Variants in PCDHA6 observed in about 807,000 individuals in gnomAD.
The protein encoded by PCDHA6 is protocadherin alpha-6.
PCDHA6 carries 55 observed loss-of-function variants against 60.3 expected under a neutral mutation model. The observed-to-expected ratio is 0.91, with a 90% CI of 0.73 to 1.14. PCDHA6 has a LOEUF of 1.14. Among genes scored for constraint, PCDHA6 ranks in the 50% most tolerant of loss-of-function variants. The pLI is 0.00. For missense variants in PCDHA6, 1,327 were observed against 1,256.5 expected, an observed-to-expected ratio of 1.06 and a Z score of -0.85; for synonymous variants, 652 against 557.9, an observed-to-expected ratio of 1.17 and a Z score of -2.38.
chr5:141,000,647 C>G (rs1442819157), intron 3 of PCDHA6, among the ~76,000 whole-genome samples: 1 of 151,182 alleles, frequency 6.6e-6, no homozygotes, highest in Non-Finnish European at 1.5e-5. Context: ...AGGCTGGTCT[C>G]GAACTCCTGA....
intron 3 of PCDHA6, among the ~76,000 whole-genome samples, chr5:141,004,019 A>G (rs2098147783): frequency 6.6e-6 from 1 of 152,244 alleles, no homozygotes; most frequent in South Asian, 2.1e-4. Flanking sequence ...CACTGAAAGA[A>G]GAAACATTTC....
intron 1 of PCDHA6, chr5:140,858,758 A>G (rs1474709962): frequency 4.4e-6 from 2 of 458,304 alleles, no homozygotes; most frequent in Non-Finnish European, 7.8e-6. Flanking sequence ...TTCGTTACAA[A>G]TATTTGTGAG....
intron 1 of PCDHA6, among the ~76,000 whole-genome samples, chr5:140,874,018 G>T (rs1033387450): frequency 1.3e-5 from 2 of 152,114 alleles, no homozygotes; most frequent in Admixed American, 1.3e-4. Context: ...TTTTGAAAAT[G>T]AAAAATAGGA....
intron 1 of PCDHA6, chr5:140,969,102 T>C: frequency 1.2e-6 from 2 of 1,614,114 alleles, no homozygotes; most frequent in African/African-American, 1.3e-5. Flanking sequence ...CCTCACTTCA[T>C]TGAAGTTCGA....
intron 1 of PCDHA6, chr5:140,869,166 C>A: frequency 6.2e-7 from 1 of 1,613,866 alleles, no homozygotes; most frequent in South Asian, 1.1e-5. Context: ...TTCTCCTCCT[C>A]GAATTCTGGG....
chr5:140,857,763 C>T (rs782102895), intron 1 of PCDHA6: 4 of 1,597,078 alleles, frequency 2.5e-6, no homozygotes, highest in East Asian at 2.2e-5. Context: ...GCTGGCAGCG[C>T]GGGCGGTGCA....
intron 3 of PCDHA6, among the ~76,000 whole-genome samples, chr5:141,007,393 TAC>T (rs2098323171): frequency 8.5e-5 from 2 of 23,408 alleles, no homozygotes; most frequent in East Asian, 1.4e-3. Flanking sequence ...TCTACTAAAA[TAC>T]AAAAAAAAAA....
chr5:140,924,921 T>A (rs1167960449), intron 1 of PCDHA6, among the ~76,000 whole-genome samples: 5 of 126,218 alleles, frequency 4.0e-5, no homozygotes, highest in African/African-American at 1.5e-4. Context: ...TAAAATAAAA[T>A]AAAATAAAAT....
At chr5:140,985,945 T>C (rs1432402407) in intron 3 of PCDHA6, among the ~76,000 whole-genome samples, 1 of 152,080 alleles carries the variant, frequency 6.6e-6, no homozygotes, top group Non-Finnish European at 1.5e-5. Flanking sequence ...TTCACTGTGT[T>C]AGCCAGGATG....
rs560256618 is a variant in PCDHA6 at position 140,999,889 on chromosome 5, C to T, written c.2543-9738C>T. Among the ~76,000 whole-genome samples the T allele has an allele frequency of 2.0e-5, 3 of 152,292 alleles. No homozygotes were observed. In the East Asian group the frequency reaches 5.8e-4, roughly 29 times the overall value. ...TTACTGAAAATTAGCCCAGCTGTAG[C>T]TTGGGACACCAAACAGCCAAAAAAT... On this transcript the variant is annotated intron_variant, in intron 3 of 3. Coordinates refer to ENST00000529310, the MANE Select transcript of PCDHA6 (RefSeq NM_018909.4).
intron 1 of PCDHA6, chr5:140,863,475 C>T: frequency 2.1e-6 from 1 of 481,584 alleles, no homozygotes; most frequent in South Asian, 1.6e-5. Flanking sequence ...TGGAGAGTCG[C>T]CTCCCAAGGT....
intron 1 of PCDHA6, among the ~76,000 whole-genome samples, chr5:140,903,774 C>A (rs1466112745): frequency 6.6e-6 from 1 of 152,122 alleles, no homozygotes; most frequent in African/African-American, 2.4e-5. Context: ...ACTTTTCTAT[C>A]CATAAACTAT....
chr5:141,004,142 G>A (rs1323224367), intron 3 of PCDHA6, among the ~76,000 whole-genome samples: 2 of 152,214 alleles, frequency 1.3e-5, no homozygotes, highest in African/African-American at 4.8e-5. Flanking sequence ...TGCCCCAAAG[G>A]CATGACATTT....
intron 1 of PCDHA6, among the ~76,000 whole-genome samples, chr5:140,942,493 C>T (rs1334279065): frequency 1.3e-5 from 2 of 151,366 alleles, no homozygotes; most frequent in Non-Finnish European, 2.9e-5. Context: ...GAAATAAATA[C>T]ATGGTATCTA....
In PCDHA6 at chr5:140,871,159, G is replaced by T. The variant is rs781816033; in HGVS notation, c.2394+40674G>T. Reference sequence around the variant, plus strand: ...CTCTTCCCGGACTTTGGCGGGCGCCGCGAGCCCAGAGGCTGCGCTGGTGGA... The same window carrying T: ...CTCTTCCCGGACTTTGGCGGGCGCCTCGAGCCCAGAGGCTGCGCTGGTGGA... On this transcript the variant is annotated intron_variant, in intron 1 of 3. Coordinates refer to ENST00000529310, the MANE Select transcript of PCDHA6 (RefSeq NM_018909.4). The T allele has an allele frequency of 1.6e-5, 26 of 1,613,450 alleles. No individual in the cohort carries two copies. The South Asian group carries it at 2.9e-4, about 18-fold the overall frequency.
chr5:140,865,077 A>G (rs2048727264), intron 1 of PCDHA6: 1 of 152,246 alleles, frequency 6.6e-6, no homozygotes, highest in Non-Finnish European at 1.5e-5. Flanking sequence ...TATAAGAACC[A>G]TGGGATATTA....
intron 3 of PCDHA6, among the ~76,000 whole-genome samples, chr5:141,005,280 C>T (rs2098203817): frequency 6.6e-6 from 1 of 152,180 alleles, no homozygotes; most frequent in Non-Finnish European, 1.5e-5. Context: ...GGTGAATAAA[C>T]AGATACATTT....
chr5:140,967,215 G>T (rs782646028), intron 1 of PCDHA6: 1 of 1,613,682 alleles, frequency 6.2e-7, no homozygotes, highest in Non-Finnish European at 8.5e-7. Context: ...CGTTTCCCGC[G>T]GCCCAACTAC....
intron 1 of PCDHA6, among the ~76,000 whole-genome samples, chr5:140,973,020 T>A (rs1057155557): frequency 6.6e-6 from 1 of 152,120 alleles, no homozygotes; most frequent in Non-Finnish European, 1.5e-5. Flanking sequence ...TTGTGATTGT[T>A]AATGAGTCAC....
Sources: allele counts gnomAD v4.1 joint callset (sites outside exome capture counted in the v4.1 genomes callset), GRCh38; gene constraint gnomAD v4.1.1; transcripts MANE v1.5; gene names NCBI Gene and HGNC (gene_info 2026-07-23, HGNC 2026-07-21).